SCG3: variants seen among roughly 807,000 people sequenced by gnomAD.
SCG3 encodes the protein secretogranin III.
A neutral mutation model predicts 56.2 loss-of-function variants in SCG3; 38 were observed. That is an observed-to-expected ratio of 0.68 (90% CI 0.52 to 0.89). The LOEUF is 0.89. Among genes scored for constraint, SCG3 ranks in the 40% least tolerant of loss-of-function variants. The probability of loss-of-function intolerance (pLI) is 0.00; values close to 1 mark genes in which losing one functional copy is unlikely to be tolerated. For missense variants in SCG3, 524 were observed against 540.7 expected, an observed-to-expected ratio of 0.97 and a Z score of 0.31; for synonymous variants, 176 against 184.2, an observed-to-expected ratio of 0.96 and a Z score of 0.36.
Position 51,692,262 on chromosome 15 carries a change from C to T in SCG3, c.794C>T (p.Thr265Ile). 1 of 1,614,038 alleles carries T rather than the reference C, an allele frequency of 6.2e-7. No individual in the cohort carries two copies. Among genetic ancestry groups the T allele is most frequent in the Non-Finnish European group, 8.5e-7 (1 of 1,179,932 alleles). Residue 265 changes from threonine (T) to isoleucine (I), a missense_variant, in exon 7 of 12, where the codon ACC becomes ATC. Physicochemically the swap from Thr to Ile is moderately conservative, Grantham distance 89. Transcript: ENST00000220478. ...AATGGCTTGGAAAGGAGAACTAAAA[C>T]CTACAGTGAAGACAACTTTGAGGAA... Reference protein sequence around the residue: ...LTNGLERRTKTYSEDNFEELQ... With the variant: ...LTNGLERRTKIYSEDNFEELQ...
chr15:51,704,278 T>TATATATATATATAA (rs1390526701), intron 10 of SCG3, among the ~76,000 whole-genome samples: 2 of 131,364 alleles, frequency 1.5e-5, no homozygotes, highest in East Asian at 5.4e-4. Flanking sequence ...TATATATATA[T>TATATATATATATAA]AAAATAGCTC....
intron 4 of SCG3, among the ~76,000 whole-genome samples, chr15:51,687,940 A>T (rs2622767): frequency 6.6e-6 from 1 of 152,036 alleles, no homozygotes; most frequent in Non-Finnish European, 1.5e-5. Context: ...TAAATATGGC[A>T]TACTATGTTA....
intron 5 of SCG3, among the ~76,000 whole-genome samples, chr15:51,688,626 TA>T (rs933909207): frequency 1.3e-5 from 2 of 152,032 alleles, no homozygotes; most frequent in African/African-American, 4.8e-5. Context: ...GCCAGCTGCT[TA>T]AAAACCATAA....
intron 7 of SCG3, 60 bp from the exon 8 acceptor site, chr15:51,695,815 T>C (rs748878965): frequency 5.5e-6 from 5 of 905,756 alleles, no homozygotes; most frequent in Non-Finnish European, 8.8e-6. Context: ...ACTTTATAAA[T>C]TGACATTGAA....
intron 6 of SCG3, among the ~76,000 whole-genome samples, chr15:51,691,051 C>T (rs1031269548): frequency 1.3e-5 from 2 of 152,140 alleles, no homozygotes; most frequent in African/African-American, 4.8e-5. Context: ...AGGAGGCTGA[C>T]CTGGACTTAG....
intron 4 of SCG3, among the ~76,000 whole-genome samples, chr15:51,685,124 A>G (rs1331620510): frequency 1.3e-5 from 2 of 152,224 alleles, no homozygotes; most frequent in Non-Finnish European, 2.9e-5. Flanking sequence ...ACGTGTACCT[A>G]TGAAGTGGGA....
At chr15:51,689,104 G>A (rs2055249348) in intron 5 of SCG3, 115 bp from the exon 6 acceptor site, 1 of 1,151,336 alleles carries the variant, frequency 8.7e-7, no homozygotes. Flanking sequence ...CTGAAAGATG[G>A]TTCAGAAGAT....
At position 51,681,580 on chromosome 15, in the gene SCG3, C is replaced by T. The variant is rs1475883253; in HGVS notation, c.-176C>T. ...TTGACTCCCGCGCGCCCCAACCCTG[C>T]TTATCCCTTGACCGTCGAGTGTCAG... On this transcript the variant is annotated 5_prime_UTR_variant, in exon 1 of 12. Transcript: ENST00000220478. The T allele has an allele frequency of 9.9e-6, 6 of 609,106 alleles. No individual in the cohort carries two copies. Among genetic ancestry groups the T allele is most frequent in the Non-Finnish European group, 1.8e-5 (6 of 339,890 alleles). 37.7% of individuals were successfully genotyped at this position (609,106 alleles called of 1,614,324 possible).
rs1170460211 is a variant in SCG3, at chr15:51,697,762, ATT to A, written c.986-1556_986-1555del. ...TGCTCCTTACATATGCAATGTAAAT[ATT>A]GTTTATCAAGACTTACATACATATT... On this transcript the variant is annotated intron_variant, in intron 8 of 11. Coordinates refer to ENST00000220478, the MANE Select transcript of SCG3 (RefSeq NM_013243.4). Among the ~76,000 whole-genome samples the A allele has an allele frequency of 1.1e-4, 16 of 152,310 alleles. No homozygotes were observed. In the East Asian group the frequency reaches 2.9e-3, roughly 28 times the overall value.
At chr15:51,688,229 T>C in intron 4 of SCG3, 31 bp from the exon 5 acceptor site, 3 of 1,597,018 alleles carry the variant, frequency 1.9e-6, no homozygotes, top group Non-Finnish European at 2.6e-6. Context: ...CTATGATCAC[T>C]ATGGTGTGAA....
In SCG3 at chr15:51,719,498, C is replaced by G. The variant is rs754105502; in HGVS notation, c.1379C>G (p.Ala460Gly). Residue 460 changes from alanine to glycine, a missense_variant, in exon 12 of 12, where the codon GCC (alanine) becomes GGC (glycine). Ala to Gly is a moderately conservative substitution (Grantham distance 60). Transcript: ENST00000220478. ...ATCCTTGACAAGGAAGAAGCCGAGG[C>G]CATCAAGCGCATTTATAGCAGCCTG... ...KGILDKEEAEAIKRIYSSL is the reference protein window; with the variant it reads ...KGILDKEEAEGIKRIYSSL 1.2e-6 allele frequency: 2 copies of G among 1,613,826 alleles called. No individual in the cohort carries two copies. Among genetic ancestry groups the G allele is most frequent in the Non-Finnish European group, 1.7e-6 (2 of 1,179,762 alleles).
At chr15:51,689,423 G>GTGTGTGTGTGTGTGTGTGTGTT in intron 6 of SCG3, 55 bp downstream of exon 6, 1 of 1,526,226 alleles carries the variant, frequency 6.6e-7, no homozygotes, top group South Asian at 1.2e-5. Context: ...GTGTGTGTGT[G>GTGTGTGTGTGTGTGTGTGTGTT]TGTGTGTGTA....
chr15:51,684,130 CTATT>C (rs1189481157), intron 4 of SCG3, among the ~76,000 whole-genome samples: 4 of 152,184 alleles, frequency 2.6e-5, no homozygotes, highest in Admixed American at 6.5e-5. Context: ...TAGGATCAAA[CTATT>C]TATCTTTTCC....
Position 51,719,537 on chromosome 15 carries a change from A to C in SCG3, c.*11A>C. The stretch of plus-strand genomic sequence containing the variant: ...TATAGCAGCCTGTAAAAATGGCAAA[A>C]GATCCAGGAGTCTTTCAACTGTTTC... On this transcript the variant is annotated 3_prime_UTR_variant, in exon 12 of 12. Coordinates refer to ENST00000220478, the MANE Select transcript of SCG3 (RefSeq NM_013243.4). 6.5e-7 allele frequency: 1 copy of C among 1,541,930 alleles called. No individual in the cohort carries two copies. The highest frequency in any genetic ancestry group is 9.0e-7 in the Non-Finnish European group (1 of 1,116,340).
intron 10 of SCG3, among the ~76,000 whole-genome samples, chr15:51,704,244 C>CATACATACATACAT (rs751546589): frequency 4.1e-5 from 3 of 73,598 alleles, no homozygotes; most frequent in Admixed American, 1.8e-4. Flanking sequence ...TACATACATA[C>CATACATACATACAT]ATATATATAT....
Position 51,692,017 on chromosome 15 carries a change from T to C in SCG3, c.691-142T>C, listed in dbSNP as rs1184310175. 11 of 675,636 alleles carry C rather than the reference T, an allele frequency of 1.6e-5. No individual in the cohort carries two copies. In the East Asian group the frequency reaches 2.5e-4, roughly 15 times the overall value. The allele number at this position is 675,636 out of a possible 1,614,324, so 41.9% of individuals were successfully genotyped here. On this transcript the variant is annotated intron_variant, in intron 6 of 11. Transcript: ENST00000220478. ...TGACAAGAGCACACATATCTAGAAA[T>C]GGGTTTGAACCTGCAGGAGCTTGCA...
At chr15:51,709,721 T>TA (rs2055406192) in intron 10 of SCG3, among the ~76,000 whole-genome samples, 5 of 62,094 alleles carry the variant, frequency 8.1e-5, no homozygotes, top group Non-Finnish European at 1.6e-4. Context: ...TTTTTTTTTT[T>TA]TTTTTTTTTT....
rs200437150 is a variant in SCG3, at chr15:51,704,766, T to TACATAC, written c.1207+3523_1207+3524insCATACA. Among the ~76,000 whole-genome samples, 6 of 99,936 alleles carry TACATAC rather than the reference T, an allele frequency of 6.0e-5. 1 individual carries two copies. Among genetic ancestry groups the TACATAC allele is most frequent in the Admixed American group, 9.5e-5 (1 of 10,528 alleles). The allele number at this position is 99,936 out of a possible 152,430, so 65.6% of individuals were successfully genotyped here. ...CCTTTTGGCTGTTGTGAGTAATACA[T>TACATAC]ATATATATATATATATATATATATA... On this transcript the variant is annotated intron_variant, in intron 10 of 11. Coordinates refer to ENST00000220478, the MANE Select transcript of SCG3 (RefSeq NM_013243.4).
At position 51,704,276 on chromosome 15, in the gene SCG3, T is replaced by A. The variant is rs866600656; in HGVS notation, c.1207+3032T>A. Among the ~76,000 whole-genome samples, 421 of 133,152 alleles carry A rather than the reference T, an allele frequency of 3.2e-3. 3 individuals are homozygous for A. The highest frequency in any genetic ancestry group is 9.8e-3 in the African/African-American group (323 of 32,972). 87.4% of individuals were successfully genotyped at this position (133,152 alleles called of 152,430 possible). A position where few individuals can be genotyped will look rare whatever the true frequency, so the allele number is the denominator to read the frequency against. On this transcript the variant is annotated intron_variant, in intron 10 of 11. Transcript: ENST00000220478. ...ATATATATATATATATATATATATA[T>A]ATAAAATAGCTCTTTTTTGAAATTG...
Sources: allele counts gnomAD v4.1 joint callset (sites outside exome capture counted in the v4.1 genomes callset), GRCh38; gene constraint gnomAD v4.1.1; transcripts MANE v1.5; gene names NCBI Gene and HGNC (gene_info 2026-07-23, HGNC 2026-07-21).